ZNF239: variants seen among roughly 807,000 people sequenced by gnomAD.
ZNF239 encodes the protein zinc finger protein (C2H2) homologous to mouse MOK-2.
In ZNF239, 16 loss-of-function variants were observed where a neutral mutation model predicts 27.5. That is an observed-to-expected ratio of 0.58 (90% confidence interval 0.39 to 0.88). The LOEUF is 0.88. ZNF239 is among the 40% of genes least tolerant of loss of function. ZNF239 has a pLI of 0.00. For missense variants in ZNF239, 527 were observed against 551.9 expected, an observed-to-expected ratio of 0.95 and a Z score of 0.45; for synonymous variants, 199 against 192.6, an observed-to-expected ratio of 1.03 and a Z score of -0.27.
intron 3 of ZNF239, among the ~76,000 whole-genome samples, chr10:43,564,031 T>A (rs1837461805): frequency 6.6e-6 from 1 of 152,150 alleles, no homozygotes; most frequent in African/African-American, 2.4e-5. Context: ...GTTCACCACC[T>A]CTTCTCAGTC....
At chr10:43,566,349 T>C (rs1045562627) in intron 3 of ZNF239, among the ~76,000 whole-genome samples, 2 of 151,886 alleles carry the variant, frequency 1.3e-5, no homozygotes, top group Non-Finnish European at 2.9e-5. Flanking sequence ...TGCAGTAGTG[T>C]CATCTCGGCT....
chr10:43,556,584 A>T lies in ZNF239; in HGVS notation c.*119T>A. On this transcript the variant is annotated 3_prime_UTR_variant, in exon 4 of 4. Coordinates refer to ENST00000374446, the MANE Select transcript of ZNF239 (RefSeq NM_001099282.2). Reference sequence around the variant, plus strand: ...GAATGAGTGATTTTTCAGTGAGGGAACATATCTAAATAACCCTTACATCTC... The same window carrying T: ...GAATGAGTGATTTTTCAGTGAGGGATCATATCTAAATAACCCTTACATCTC... The T allele has an allele frequency of 1.6e-6, 2 of 1,287,706 alleles. No individual in the cohort carries two copies. Among genetic ancestry groups the T allele is most frequent in the Non-Finnish European group, 2.1e-6 (2 of 953,762 alleles). 79.8% of individuals were successfully genotyped at this position (1,287,706 alleles called of 1,614,324 possible).
chr10:43,570,339 G>T lies in ZNF239; in HGVS notation c.-215-2318C>A, dbSNP rs979727904. 2.0e-5 allele frequency: 20 copies of T among 985,162 alleles called. No individual in the cohort carries two copies. The African/African-American group carries it at 3.1e-4, about 16-fold the overall frequency. The allele number at this position is 985,162 out of a possible 1,614,324, so 61.0% of individuals were successfully genotyped here. ...GGTGGGACAAACAAACAGAAGCAAA[G>T]GTTGCTGCCTTCAAGCTCCATCACC... On this transcript the variant is annotated intron_variant, in intron 2 of 3. Coordinates refer to ENST00000374446, the MANE Select transcript of ZNF239 (RefSeq NM_001099282.2).
chr10:43,556,827 A>T lies in ZNF239; in HGVS notation c.1253T>A (p.Leu418His). The change falls in exon 4 of 4, where the codon CTC (leucine) becomes CAC (histidine). Residue 418 changes from leucine (L) to histidine (H), a missense_variant. Coordinates refer to ENST00000374446, the MANE Select transcript of ZNF239 (RefSeq NM_001099282.2). ...AGTATGTACTCTCTGGTGGATGAGG[A>T]GTTTGGAACTCTGGCTAAATCCCTT... ...CGKGFSQSSK[L>H]LIHQRVHTGE... The T allele has an allele frequency of 6.2e-7, 1 of 1,613,532 alleles. No homozygotes were observed. Among genetic ancestry groups the T allele is most frequent in the South Asian group, 1.1e-5 (1 of 91,034 alleles).
At chr10:43,559,186 TG>T (rs1432892831) in intron 3 of ZNF239, among the ~76,000 whole-genome samples, 2 of 152,176 alleles carry the variant, frequency 1.3e-5, no homozygotes, top group African/African-American at 2.4e-5. Context: ...AAGGGCTTAG[TG>T]TCTAATAATA....
intron 3 of ZNF239, among the ~76,000 whole-genome samples, chr10:43,559,831 G>A (rs374396705): frequency 6.6e-6 from 1 of 152,160 alleles, no homozygotes. Context: ...AAATGATAAG[G>A]AGCAGATGGA....
chr10:43,565,817 G>GAAAAAAAAAAAAAAAAAAAAAAA (rs36039838), intron 3 of ZNF239, among the ~76,000 whole-genome samples: 2 of 67,144 alleles, frequency 3.0e-5, no homozygotes, highest in Admixed American at 2.7e-4. Flanking sequence ...TCCATCTCAA[G>GAAAAAAAAAAAAAAAAAAAAAAA]AAAAAAAAAA....
chr10:43,560,060 A>G (rs963892588), intron 3 of ZNF239, among the ~76,000 whole-genome samples: 1 of 152,248 alleles, frequency 6.6e-6, no homozygotes, highest in Non-Finnish European at 1.5e-5. Context: ...TCCTAATTCA[A>G]CTTAGGCATT....
chr10:43,572,934 C>T (rs1340197537), intron 2 of ZNF239, among the ~76,000 whole-genome samples: 1 of 151,992 alleles, frequency 6.6e-6, no homozygotes, highest in African/African-American at 2.4e-5. Flanking sequence ...TTTTACCTAC[C>T]CTAGAGACAC....
chr10:43,562,304 C>T (rs993114920), intron 3 of ZNF239, among the ~76,000 whole-genome samples: 16 of 152,180 alleles, frequency 1.1e-4, no homozygotes, highest in African/African-American at 3.9e-4. Flanking sequence ...TAAACTGATA[C>T]GAAGGACAGA....
chr10:43,560,384 C>T (rs1466250150), intron 3 of ZNF239, among the ~76,000 whole-genome samples: 2 of 151,966 alleles, frequency 1.3e-5, no homozygotes, highest in Non-Finnish European at 2.9e-5. Context: ...GGAAGATAGC[C>T]CAGCGCTGGA....
rs186585972 is a variant in ZNF239, at chr10:43,562,773, G to A, written c.-92-4602C>T. 2.0e-5 allele frequency among the ~76,000 whole-genome samples: 3 copies of A among 152,126 alleles called. No individual in the cohort carries two copies. In the East Asian group the frequency reaches 5.8e-4, roughly 29 times the overall value. On this transcript the variant is annotated intron_variant, in intron 3 of 3. Transcript: ENST00000374446. Reference sequence around the variant, plus strand: ...TTTGTTTATAAATTTCAAAAGTAATGGCAAAAATGAAAAAGAAAAATGACA... The same window carrying A: ...TTTGTTTATAAATTTCAAAAGTAATAGCAAAAATGAAAAAGAAAAATGACA...
At chr10:43,562,922 G>A (rs1015156733) in intron 3 of ZNF239, among the ~76,000 whole-genome samples, 1 of 151,730 alleles carries the variant, frequency 6.6e-6, no homozygotes, top group African/African-American at 2.4e-5. Context: ...AGTGGTTATA[G>A]AAATTATAGG....
chr10:43,556,580 G>T lies in ZNF239; in HGVS notation c.*123C>A. 7.9e-7 allele frequency: 1 copy of T among 1,264,250 alleles called. No homozygotes were observed. Among genetic ancestry groups the T allele is most frequent in the East Asian group, 2.5e-5 (1 of 40,726 alleles). The allele number at this position is 1,264,250 out of a possible 1,614,324, so 78.3% of individuals were successfully genotyped here. ...TTTTGAATGAGTGATTTTTCAGTGA[G>T]GGAACATATCTAAATAACCCTTACA... On this transcript the variant is annotated 3_prime_UTR_variant, in exon 4 of 4. Transcript: ENST00000374446.
intron 2 of ZNF239, among the ~76,000 whole-genome samples, chr10:43,571,629 G>GCTCA (rs1383249316): frequency 4.6e-5 from 7 of 152,104 alleles, no homozygotes; most frequent in Admixed American, 4.6e-4. Flanking sequence ...CATGATCTCA[G>GCTCA]CTCACTACAA....
Position 43,557,387 on chromosome 10 carries a change from T to C in ZNF239, c.693A>G (p.Glu231=), listed in dbSNP as rs1384688417. The C allele has an allele frequency of 6.2e-7, 1 of 1,614,112 alleles. No homozygotes were observed. The change falls in exon 4 of 4, where the codon GAA becomes GAG. Residue 231 remains glutamate, a synonymous_variant. Transcript: ENST00000374446. Reference sequence around the variant, plus strand: ...ATTGCTCACATTTGTAGGGTTTTTCTTCTGTGTGGTCTCTCTGATGAAGTA... The same window carrying C: ...ATTGCTCACATTTGTAGGGTTTTTCCTCTGTGTGGTCTCTCTGATGAAGTA... ...ELLLHQRDHT[E]EKPYKCEQCG...
intron 2 of ZNF239, among the ~76,000 whole-genome samples, chr10:43,569,945 C>A (rs1837928427): frequency 6.6e-6 from 1 of 152,164 alleles, no homozygotes; most frequent in Admixed American, 6.5e-5. Context: ...TGGTGAAGAA[C>A]CAGTTTTTTT....
chr10:43,557,795 G>A lies in ZNF239; in HGVS notation c.285C>T (p.Leu95=), dbSNP rs1408312635. Residue 95 remains leucine, a synonymous_variant, in exon 4 of 4, where the codon CTC becomes CTT. Coordinates refer to ENST00000374446, the MANE Select transcript of ZNF239 (RefSeq NM_001099282.2). ...TCTCAGTGCTTTCTTCCATTACAAA[G>A]AGACGTCTGCTTTCCTGATGATCCT... ...EPQDHQESRR[L]FVMEESTERK... The A allele has an allele frequency of 6.2e-7, 1 of 1,614,194 alleles. No homozygotes were observed. The highest frequency in any genetic ancestry group is 1.1e-5 in the South Asian group (1 of 91,080).
Position 43,556,788 on chromosome 10 carries a change from T to C in ZNF239, c.1292A>G (p.Tyr431Cys), listed in dbSNP as rs1205911101. The change falls in exon 4 of 4, where the codon TAT becomes TGT. Residue 431 changes from tyrosine (Y) to cysteine (C), a missense_variant. Transcript: ENST00000374446. ...HQRVHTGEKPYECSKCGKGFS... is the reference protein window; with the variant it reads ...HQRVHTGEKPCECSKCGKGFS... ...GCCCTTCCCACACTTGCTGCACTCA[T>C]AGGGCTTCTCTCCAGTATGTACTCT... 2 of 1,614,106 alleles carry C rather than the reference T, an allele frequency of 1.2e-6. No homozygotes were observed. The highest frequency in any genetic ancestry group is 1.7e-6 in the Non-Finnish European group (2 of 1,179,994).
Sources: gnomAD v4.1 joint callset for allele counts (sites outside exome capture counted in the v4.1 genomes callset) on GRCh38, gnomAD v4.1.1 for gene constraint, MANE v1.5 for transcripts, NCBI Gene and HGNC (gene_info 2026-07-23, HGNC 2026-07-21) for gene names.